The following ZSCAN5A variants were observed in gnomAD, a reference collection of about 807,000 sequenced individuals.
ZSCAN5A encodes zinc finger and SCAN domain-containing protein 5A.
Under a neutral mutation model 23.7 loss-of-function variants are expected in ZSCAN5A, and 12 were observed. That is an observed-to-expected ratio of 0.51 (90% CI 0.32 to 0.82). The LOEUF is 0.82. ZSCAN5A is among the 40% of genes least tolerant of loss of function. ZSCAN5A has a pLI of 0.03. For missense variants in ZSCAN5A, 597 were observed against 617.9 expected (o/e 0.97, Z 0.36); for synonymous variants, 257 against 239.9 (o/e 1.07, Z -0.66).
chr19:56,229,456 C>T (rs1038954054), intron 2 of ZSCAN5A, among the ~76,000 whole-genome samples: 2 of 152,172 alleles, frequency 1.3e-5, no homozygotes, highest in African/African-American at 4.8e-5. Flanking sequence ...TGTTCTCATA[C>T]TTTGTTACAT....
chr19:56,222,543 C>T lies in ZSCAN5A; in HGVS notation c.739+48G>A, dbSNP rs777207938. On this transcript the variant is annotated intron_variant, in intron 5 of 5. Transcript: ENST00000683990. ...TAATGCTGGGCCCCCAGCCCCGCACCCCAGAAGAGAGGGACTAACCCCTGT... is the reference window on the plus strand; with the variant it reads ...TAATGCTGGGCCCCCAGCCCCGCACTCCAGAAGAGAGGGACTAACCCCTGT... The T allele has an allele frequency of 1.7e-5, 27 of 1,604,136 alleles. No homozygotes were observed. The South Asian group carries it at 2.9e-4, about 17-fold the overall frequency.
At chr19:56,346,709 TA>T (rs199837196) in intron 2 of ZSCAN5A, among the ~76,000 whole-genome samples, 1,702 of 151,528 alleles carry the variant, frequency 0.011, 36 homozygotes, top group African/African-American at 0.04. Flanking sequence ...TACTTTTTTT[TA>T]TTTTTTATTT....
At chr19:56,227,923 T>G (rs1251696545) in intron 2 of ZSCAN5A, among the ~76,000 whole-genome samples, 1 of 151,972 alleles carries the variant, frequency 6.6e-6, no homozygotes, top group Non-Finnish European at 1.5e-5. Context: ...CCAGTCGTTG[T>G]GGCATATGCC....
At chr19:56,335,130 T>C (rs1185623390) in intron 2 of ZSCAN5A, among the ~76,000 whole-genome samples, 1 of 150,188 alleles carries the variant, frequency 6.7e-6, no homozygotes, top group Non-Finnish European at 1.5e-5. Context: ...AAAAACACAA[T>C]AAAAGAATGT....
chr19:56,259,344 G>A (rs1158134223), intron 2 of ZSCAN5A, among the ~76,000 whole-genome samples: 1 of 152,058 alleles, frequency 6.6e-6, no homozygotes, highest in Non-Finnish European at 1.5e-5. Context: ...GATTACAGAT[G>A]TGAGCTACCG....
chr19:56,321,823 T>TG, intron 2 of ZSCAN5A: 2 of 1,002,820 alleles, frequency 2.0e-6, no homozygotes, highest in Non-Finnish European at 3.2e-6. Flanking sequence ...ACTTGTAAAC[T>TG]GGAAGCATGA....
chr19:56,342,633 AT>A, intron 2 of ZSCAN5A: 1 of 479,750 alleles, frequency 2.1e-6, no homozygotes, highest in Non-Finnish European at 4.0e-6. Context: ...AGGGAAAAAA[AT>A]TTGGAAAAAG....
chr19:56,342,505 C>A, intron 2 of ZSCAN5A: 1 of 377,392 alleles, frequency 2.6e-6, no homozygotes. Flanking sequence ...GTAAGCACTC[C>A]AATAAAATCT....
intron 2 of ZSCAN5A, among the ~76,000 whole-genome samples, chr19:56,239,987 C>A (rs993608302): frequency 1.2e-4 from 18 of 152,060 alleles, no homozygotes; most frequent in Non-Finnish European, 2.9e-5. Flanking sequence ...CATGGTGAAA[C>A]CCCGTCTCTA....
chr19:56,310,285 G>C (rs2040954485), intron 2 of ZSCAN5A: 1 of 152,270 alleles, frequency 6.6e-6, no homozygotes, highest in Non-Finnish European at 1.5e-5. Context: ...ATGGCACCTG[G>C]GTGCCCAGAG....
chr19:56,295,454 G>C (rs2039806433), intron 2 of ZSCAN5A, among the ~76,000 whole-genome samples: 1 of 152,024 alleles, frequency 6.6e-6, no homozygotes, highest in African/African-American at 2.4e-5. Flanking sequence ...AATTAGCCGG[G>C]TGTGGTTGCG....
chr19:56,305,539 A>T (rs908846051), intron 2 of ZSCAN5A, among the ~76,000 whole-genome samples: 3 of 152,192 alleles, frequency 2.0e-5, no homozygotes, highest in Non-Finnish European at 2.9e-5. Context: ...TGGTGCTATG[A>T]ACAAGTTATG....
chr19:56,279,213 C>G (rs145755022), intron 2 of ZSCAN5A, among the ~76,000 whole-genome samples: 1 of 152,300 alleles, frequency 6.6e-6, no homozygotes, highest in African/African-American at 2.4e-5. Flanking sequence ...CTCCCACCCC[C>G]ACCAAGTAGT....
intron 2 of ZSCAN5A, among the ~76,000 whole-genome samples, chr19:56,357,433 G>C (rs2041706469): frequency 6.8e-6 from 1 of 147,528 alleles, no homozygotes; most frequent in Admixed American, 6.7e-5. Context: ...CAATAAACCA[G>C]GGCAACTGGG....
intron 2 of ZSCAN5A, among the ~76,000 whole-genome samples, chr19:56,303,251 G>A (rs141571572): frequency 0.01 from 1,527 of 152,084 alleles, 30 homozygotes; most frequent in African/African-American, 0.035. Flanking sequence ...AGGCTGAGGC[G>A]GCTGGATCAC....
chr19:56,222,258 C>G lies in ZSCAN5A; in HGVS notation c.808G>C (p.Asp270His), dbSNP rs2033315267. Residue 270 changes from aspartate (D) to histidine (H), a missense_variant, in exon 6 of 6, where the codon GAC (aspartate) becomes CAC (histidine). By Grantham distance (81) the Asp-to-His change is moderately conservative. Coordinates refer to ENST00000683990, the MANE Select transcript of ZSCAN5A (RefSeq NM_001322064.3). Reference protein sequence around the residue: ...KIASVENVDADTPSACVVERE... With the variant: ...KIASVENVDAHTPSACVVERE... ...TCCACAACGCAGGCAGAAGGTGTGT[C>G]AGCATCCACATTTTCCACAGAGGCT... is the stretch of plus-strand genomic sequence containing the variant. 1.2e-6 allele frequency: 2 copies of G among 1,613,742 alleles called. No individual in the cohort carries two copies. Among genetic ancestry groups the G allele is most frequent in the Non-Finnish European group, 1.7e-6 (2 of 1,179,896 alleles).
intron 2 of ZSCAN5A, among the ~76,000 whole-genome samples, chr19:56,361,808 G>T (rs145768077): frequency 2.6e-5 from 4 of 151,926 alleles, no homozygotes; most frequent in Non-Finnish European, 5.9e-5. Context: ...ACCATGGCAC[G>T]CATTTACCTA....
At chr19:56,364,290 ATATGAACTTATGTTGT>A (rs2147471694) in intron 1 of ZSCAN5A, among the ~76,000 whole-genome samples, 1 of 152,378 alleles carries the variant, frequency 6.6e-6, no homozygotes, top group African/African-American at 2.4e-5. Flanking sequence ...ACAGCTTACC[ATATGAACTTATGTTGT>A]TACTCAAGAA....
At chr19:56,224,342 G>A (rs1273926333) in intron 3 of ZSCAN5A, 6 of 395,250 alleles carry the variant, frequency 1.5e-5, no homozygotes, top group African/African-American at 1.0e-4. Context: ...CTCACACAGT[G>A]TGTGGGTCCC....
Sources: allele counts gnomAD v4.1 joint callset (sites outside exome capture counted in the v4.1 genomes callset), GRCh38; gene constraint gnomAD v4.1.1; transcripts MANE v1.5; gene names NCBI Gene and HGNC (gene_info 2026-07-23, HGNC 2026-07-21).